SUPT3H: variants seen among roughly 807,000 people sequenced by gnomAD.
SUPT3H encodes the protein SPT3 homolog, SAGA and STAGA complex component, also known as transcription initiation protein SPT3 homolog.
Under a neutral mutation model 44.3 loss-of-function variants are expected in SUPT3H, and 44 were observed. The ratio of observed to expected loss-of-function variants is 0.99; its 90% CI spans 0.78 to 1.28. The LOEUF is 1.28. SUPT3H is among the 50% of genes most tolerant of loss of function. The pLI is 0.00. For missense variants in SUPT3H, 380 were observed against 387.1 expected (o/e 0.98, Z 0.15); for synonymous variants, 124 against 125.6 (o/e 0.99, Z 0.09).
chr6:45,319,362 C>T lies in SUPT3H; in HGVS notation c.101+45839G>A, dbSNP rs1432888680. 4.6e-5 allele frequency among the ~76,000 whole-genome samples: 7 copies of T among 152,218 alleles called. No individual in the cohort carries two copies. The East Asian group carries it at 1.3e-3, about 29-fold the overall frequency. On this transcript the variant is annotated intron_variant, in intron 2 of 10. Transcript: ENST00000371459. ...CAGGAGGAAGCAGGCAGAAAGATTCCTCCTCCATAACAAAATTACTTGAGA... is the reference window on the plus strand; with the variant it reads ...CAGGAGGAAGCAGGCAGAAAGATTCTTCCTCCATAACAAAATTACTTGAGA...
intron 3 of SUPT3H, among the ~76,000 whole-genome samples, chr6:45,047,611 C>T (rs898743100): frequency 1.3e-5 from 2 of 152,056 alleles, no homozygotes; most frequent in Admixed American, 6.6e-5. Flanking sequence ...GGAGAAATAA[C>T]AGCATGTCTT....
chr6:45,222,420 G>T (rs928631741), intron 2 of SUPT3H, among the ~76,000 whole-genome samples: 1 of 152,074 alleles, frequency 6.6e-6, no homozygotes, highest in Admixed American at 6.5e-5. Context: ...CATACAGATG[G>T]CAAATAAGCA....
chr6:44,946,001 T>C (rs565439137), intron 9 of SUPT3H, among the ~76,000 whole-genome samples: 2 of 152,294 alleles, frequency 1.3e-5, no homozygotes, highest in South Asian at 2.1e-4. Flanking sequence ...AAGTTTTAGC[T>C]AGTGTTCATG....
intron 2 of SUPT3H, among the ~76,000 whole-genome samples, chr6:45,209,422 A>T (rs1374508262): frequency 6.6e-6 from 1 of 152,208 alleles, no homozygotes; most frequent in Non-Finnish European, 1.5e-5. Flanking sequence ...GGAGTTTGGA[A>T]GAAGCTGATT....
At chr6:44,910,284 T>C (rs1766807505) in intron 10 of SUPT3H, among the ~76,000 whole-genome samples, 2 of 152,216 alleles carry the variant, frequency 1.3e-5, no homozygotes, top group African/African-American at 2.4e-5. Flanking sequence ...GATCCTTACA[T>C]GTCATGCCTT....
At chr6:44,949,045 G>A (rs1356121776) in intron 9 of SUPT3H, among the ~76,000 whole-genome samples, 1 of 152,148 alleles carries the variant, frequency 6.6e-6, no homozygotes, top group African/African-American at 2.4e-5. Context: ...TATACACCAT[G>A]GAATACTATG....
At chr6:44,835,461 GA>G (rs1405489115) in intron 10 of SUPT3H, among the ~76,000 whole-genome samples, 2 of 5,394 alleles carry the variant, frequency 3.7e-4, no homozygotes, top group African/African-American at 1.8e-3. Flanking sequence ...ACAGAGGGTT[GA>G]GGTTGAAAGG....
chr6:44,979,539 G>C (rs1311831937), intron 6 of SUPT3H, among the ~76,000 whole-genome samples: 3 of 151,950 alleles, frequency 2.0e-5, no homozygotes, highest in Non-Finnish European at 4.4e-5. Context: ...AACAAAGTGT[G>C]TGTGGGGGGG....
intron 3 of SUPT3H, among the ~76,000 whole-genome samples, chr6:45,103,102 C>T (rs1267454900): frequency 2.0e-5 from 3 of 152,144 alleles, no homozygotes; most frequent in Admixed American, 1.3e-4. Flanking sequence ...AAAGGACTGA[C>T]TTTTTGAAAA....
At position 45,107,287 on chromosome 6, in the gene SUPT3H, A is replaced by G. The variant is rs74944473; in HGVS notation, c.102-1281T>C. 7.6e-3 allele frequency among the ~76,000 whole-genome samples: 1,151 copies of G among 152,320 alleles called. 21 individuals carry two copies. The highest frequency in any genetic ancestry group is 0.026 in the African/African-American group (1,091 of 41,562). ...AACCTTCAAAATTTATTCTGAAGGC[A>G]TCTACCTAATCACAGTAACCTACAG... On this transcript the variant is annotated intron_variant, in intron 2 of 10. Transcript: ENST00000371459.
chr6:45,311,071 A>G (rs1783871374), intron 2 of SUPT3H, among the ~76,000 whole-genome samples: 1 of 152,222 alleles, frequency 6.6e-6, no homozygotes, highest in Non-Finnish European at 1.5e-5. Context: ...CAAAATAGAT[A>G]GCATAAAGAA....
At chr6:45,352,998 T>C (rs1461475459) in intron 2 of SUPT3H, among the ~76,000 whole-genome samples, 1 of 152,110 alleles carries the variant, frequency 6.6e-6, no homozygotes, top group Non-Finnish European at 1.5e-5. Flanking sequence ...CAATTCTACA[T>C]TCTAGCAAGA....
intron 2 of SUPT3H, among the ~76,000 whole-genome samples, chr6:45,340,320 T>G (rs1465145315): frequency 1.3e-5 from 2 of 152,040 alleles, no homozygotes; most frequent in African/African-American, 4.8e-5. Flanking sequence ...AAGGTGAGGT[T>G]TGTTAAGCCC....
At chr6:44,922,602 G>A (rs1050068194) in intron 10 of SUPT3H, among the ~76,000 whole-genome samples, 1 of 152,036 alleles carries the variant, frequency 6.6e-6, no homozygotes, top group Non-Finnish European at 1.5e-5. Context: ...ACTTATGAAT[G>A]TTAGATGTTT....
In SUPT3H at chr6:45,338,077, C is replaced by T. The variant is rs768608566; in HGVS notation, c.101+27124G>A. On this transcript the variant is annotated intron_variant, in intron 2 of 10. Transcript: ENST00000371459. ...CTTTATTGAATAAACTTAAGTTGTA[C>T]TCTAGTTTTCATCCTCAGAGTTTAC... Among the ~76,000 whole-genome samples the T allele has an allele frequency of 7.0e-4, 106 of 152,050 alleles. 2 individuals are homozygous for T. In the Middle Eastern group the frequency reaches 0.01, roughly 15 times the overall value.
chr6:45,074,469 A>G (rs939362517), intron 3 of SUPT3H, among the ~76,000 whole-genome samples: 2 of 152,166 alleles, frequency 1.3e-5, no homozygotes, highest in South Asian at 2.1e-4. Flanking sequence ...AAGGTGCTCA[A>G]TATCATTCAT....
At chr6:45,282,452 T>G (rs1584678811) in intron 2 of SUPT3H, among the ~76,000 whole-genome samples, 4 of 152,144 alleles carry the variant, frequency 2.6e-5, no homozygotes, top group Admixed American at 2.6e-4. Flanking sequence ...CAAGCTTCAG[T>G]AGCCGATTCG....
At chr6:45,302,556 TGC>T (rs141783331) in intron 2 of SUPT3H, among the ~76,000 whole-genome samples, 3,867 of 103,036 alleles carry the variant, frequency 0.038, 180 homozygotes, top group Admixed American at 0.065. Flanking sequence ...TATATATATA[TGC>T]ATGCCACAAT....
At chr6:45,098,729 T>C (rs1264263589) in intron 3 of SUPT3H, 8 of 431,178 alleles carry the variant, frequency 1.9e-5, no homozygotes, top group Non-Finnish European at 9.1e-6. Flanking sequence ...GTCTGGATAA[T>C]ACCCTTTCTG....
Sources: gnomAD v4.1 joint callset for allele counts (sites outside exome capture counted in the v4.1 genomes callset) on GRCh38, gnomAD v4.1.1 for gene constraint, MANE v1.5 for transcripts, NCBI Gene and HGNC (gene_info 2026-07-23, HGNC 2026-07-21) for gene names.